TTN: variants seen among roughly 807,000 people sequenced by gnomAD.
TTN encodes titin.
A neutral mutation model predicts 3,223.0 loss-of-function variants in TTN; 1,525 were observed. That is an observed-to-expected ratio of 0.47 (90% confidence interval 0.45 to 0.49). The LOEUF is 0.49. Ranked by LOEUF, TTN falls within the 20% of genes least tolerant of loss-of-function variation. TTN has a pLI of 0.00. For synonymous variants in TTN, 14,094 were observed against 15,161.0 expected, an observed-to-expected ratio of 0.93 and a Z score of 5.17; for missense variants, 40,786 against 43,424.0, an observed-to-expected ratio of 0.94 and a Z score of 5.40.
Position 178,728,123 on chromosome 2 carries a change from G to A in TTN, c.19701C>T (p.Ile6567=). The change falls in exon 67 of 363, where the codon ATC becomes ATT. Residue 6567 remains isoleucine, a synonymous_variant. Transcript: ENST00000589042. ...AGAAATTCTAACCTTTCACAGTTAA[G>A]ATGCCACTGCATGCATCATCTCCTG... ...NVAGDDACSG[I]LTVKEPPSFL... The A allele has an allele frequency of 6.3e-7, 1 of 1,577,428 alleles. No individual in the cohort carries two copies. The highest frequency in any genetic ancestry group is 8.6e-7 in the Non-Finnish European group (1 of 1,162,200).
At position 178,650,744 on chromosome 2, in the gene TTN, C is replaced by T. The variant is rs750763722; in HGVS notation, c.39709+7G>A. Reference sequence around the variant, plus strand: ...GCAAGGTCATTAATCACCGGTCTCACGTGTACCTTCTGGGGGAGGAGACTC... The same window carrying T: ...GCAAGGTCATTAATCACCGGTCTCATGTGTACCTTCTGGGGGAGGAGACTC... On this transcript the variant is annotated splice_region_variant and intron_variant, in intron 209 of 362. Coordinates refer to ENST00000589042, the MANE Select transcript of TTN (RefSeq NM_001267550.2). 8.3e-5 allele frequency: 133 copies of T among 1,597,794 alleles called. No individual in the cohort carries two copies. The highest frequency in any genetic ancestry group is 1.1e-4 in the Non-Finnish European group (129 of 1,171,438).
intron 111 of TTN, among the ~76,000 whole-genome samples, chr2:178,699,573 G>C (rs867366922): frequency 7.0e-6 from 1 of 143,866 alleles, no homozygotes; most frequent in Non-Finnish European, 1.5e-5. Flanking sequence ...CACCGCGCCC[G>C]GCTAATTTTT....
At chr2:178,642,482 A>T (rs893046805) in intron 218 of TTN, among the ~76,000 whole-genome samples, 165 bp from the exon 219 acceptor site, 1 of 152,036 alleles carries the variant, frequency 6.6e-6, no homozygotes, top group African/African-American at 2.4e-5. Context: ...ATTTCAAGTT[A>T]TCTCCTCTGC....
chr2:178,772,988 G>T, intron 33 of TTN, 121 bp downstream of exon 33: 1 of 1,314,462 alleles, frequency 7.6e-7, no homozygotes, highest in Non-Finnish European at 1.1e-6. Context: ...ATTGGCTTTG[G>T]GAACAGCATA....
chr2:178,803,640 C>A (rs2094173402), intron 2 of TTN, among the ~76,000 whole-genome samples: 2 of 150,036 alleles, frequency 1.3e-5, no homozygotes, highest in African/African-American at 2.5e-5. Context: ...TATTATAAGC[C>A]ATAAAATTTT....
rs531590921 is a variant in TTN, at chr2:178,778,874, C to T, written c.4208G>A (p.Arg1403Lys). The change falls in exon 24 of 363, where the codon AGA becomes AAA. Residue 1403 changes from arginine (R) to lysine (K), a missense_variant and splice_region_variant. Arg to Lys is a conservative substitution (Grantham distance 26). Transcript: ENST00000589042. ...IPTLEPVSRI[R>K]SLSPRSVSRS... Reference sequence around the variant, plus strand: ...TAACCCAAATTATTACAAGTCTTACCTGATTCTGCTCACTGGCTCTAGTGT... The same window carrying T: ...TAACCCAAATTATTACAAGTCTTACTTGATTCTGCTCACTGGCTCTAGTGT... The T allele has an allele frequency of 1.2e-6, 2 of 1,613,690 alleles. No homozygotes were observed. Among genetic ancestry groups the T allele is most frequent in the Non-Finnish European group, 8.5e-7 (1 of 1,179,866 alleles).
chr2:178,773,994 C>T lies in TTN; in HGVS notation c.7174G>A (p.Gly2392Ser), dbSNP rs4894048. ...ESVEGVWMKDGQEVQPSDRVH... is the reference protein window; with the variant it reads ...ESVEGVWMKDSQEVQPSDRVH... The stretch of plus-strand genomic sequence containing the variant: ...CTGTCACTGGGCTGCACTTCTTGGC[C>T]GTCTTTCATCCAGACGCCTTCCACA... Residue 2392 changes from glycine (G) to serine (S), a missense_variant, in exon 31 of 363, where the codon GGC (glycine) becomes AGC (serine). Physicochemically the swap from Gly to Ser is moderately conservative, Grantham distance 56. Transcript: ENST00000589042. 65,417 of 1,613,948 alleles carry T rather than the reference C, an allele frequency of 0.041. 2,940 individuals carry two copies. Among genetic ancestry groups the T allele is most frequent in the Admixed American group, 0.17 (10,358 of 59,976 alleles).
chr2:178,562,691 G>C lies in TTN; in HGVS notation c.83441C>G (p.Ala27814Gly). 6.3e-7 allele frequency: 1 copy of C among 1,596,222 alleles called. No individual in the cohort carries two copies. The highest frequency in any genetic ancestry group is 8.5e-7 in the Non-Finnish European group (1 of 1,172,636). The change falls in exon 326 of 363, where the codon GCT (alanine) becomes GGT (glycine). Residue 27814 changes from alanine (A) to glycine (G), a missense_variant. By Grantham distance (60) the Ala-to-Gly change is moderately conservative. Transcript: ENST00000589042. ...EKRETTRKAYATITNNCTKTT... is the reference protein window; with the variant it reads ...EKRETTRKAYGTITNNCTKTT... Reference sequence around the variant, plus strand: ...TTTAGTGCAATTATTTGTAATGGTAGCATAGGCTTTTCTTGTAGTTTCTCG... The same window carrying C: ...TTTAGTGCAATTATTTGTAATGGTACCATAGGCTTTTCTTGTAGTTTCTCG...
Position 178,664,530 on chromosome 2 carries a change from C to T in TTN, c.36210G>A (p.Glu12070=). 6.2e-7 allele frequency: 1 copy of T among 1,611,540 alleles called. No individual in the cohort carries two copies. Among genetic ancestry groups the T allele is most frequent in the Non-Finnish European group, 8.5e-7 (1 of 1,179,206 alleles). The change falls in exon 168 of 363, where the codon GAG becomes GAA. Residue 12070 remains glutamate (E), a synonymous_variant. Transcript: ENST00000589042. ...KPEVLPDEVP[E]ALREVVPEKK... ...TTTCCGGGACAACTTCTCTGAGAGC[C>T]TCCGGCACTTTGAAGATATTAATAA...
intron 72 of TTN, 25 bp downstream of exon 72, chr2:178,724,235 A>T: frequency 1.3e-6 from 2 of 1,596,436 alleles, no homozygotes; most frequent in Non-Finnish European, 1.7e-6. Context: ...TGCATAAGCA[A>T]CCAGAAGAAA....
Position 178,577,218 on chromosome 2 carries a change from A to T in TTN, c.69117T>A (p.Asp23039Glu), listed in dbSNP as rs727503572. The change falls in exon 324 of 363, where the codon GAT becomes GAA. Residue 23039 changes from aspartate to glutamate, a missense_variant. By Grantham distance (45) the Asp-to-Glu change is conservative. Coordinates refer to ENST00000589042, the MANE Select transcript of TTN (RefSeq NM_001267550.2). Reference sequence around the variant, plus strand: ...CAACAGGACCTGGGGGACCAGGTACATCAAGGACTGTTACCTTCACATGTT... The same window carrying T: ...CAACAGGACCTGGGGGACCAGGTACTTCAAGGACTGTTACCTTCACATGTT... ...KVEHVKVTVL[D>E]VPGPPGPVEI... 3.7e-6 allele frequency: 6 copies of T among 1,613,000 alleles called. No individual in the cohort carries two copies. The highest frequency in any genetic ancestry group is 1.1e-5 in the South Asian group (1 of 91,050).
At chr2:178,693,507 C>G (rs2072966597) in intron 119 of TTN, 102 bp downstream of exon 119, 1 of 860,094 alleles carries the variant, frequency 1.2e-6, no homozygotes, top group Non-Finnish European at 1.7e-6. Flanking sequence ...GGTATGCACA[C>G]TGTGACTAAA....
Position 178,777,841 on chromosome 2 carries a change from T to A in TTN, c.4343A>T (p.Glu1448Val), listed in dbSNP as rs1218675157. The A allele has an allele frequency of 6.2e-7, 1 of 1,614,060 alleles. No homozygotes were observed. Among genetic ancestry groups the A allele is most frequent in the Admixed American group, 1.7e-5 (1 of 60,010 alleles). ...SPGRRLEETD[E>V]SQLERLYKPV... is the part of the protein sequence containing the mutation. ...TTTATATAGTCTCTCAAGTTGTGAC[T>A]CATCTGTCTCCTCCAGCCTACGTCC... Residue 1448 changes from glutamate (E) to valine (V), a missense_variant, in exon 25 of 363, where the codon GAG (glutamate) becomes GTG (valine). Transcript: ENST00000589042.
chr2:178,640,016 A>T lies in TTN; in HGVS notation c.40786+32T>A. The stretch of plus-strand genomic sequence containing the variant: ...TTATGTGTGTGAATACAGAAAGAAT[A>T]TGCTGTTGACATTGAGGATAAGCTT... On this transcript the variant is annotated intron_variant, in intron 222 of 362. Transcript: ENST00000589042. 4 of 1,607,850 alleles carry T rather than the reference A, an allele frequency of 2.5e-6. No individual in the cohort carries two copies. In the Middle Eastern group the frequency reaches 6.6e-4, roughly 266 times the overall value.
In TTN at chr2:178,635,398, T is replaced by A. The variant is rs115311125; in HGVS notation, c.41884+42A>T. ...TTGGTGTGTTATTTGGCTTTACACA[T>A]ACGCAAAACTTATAATTTGAATAAA... On this transcript the variant is annotated intron_variant, in intron 227 of 362. Coordinates refer to ENST00000589042, the MANE Select transcript of TTN (RefSeq NM_001267550.2). 3.4e-4 allele frequency: 548 copies of A among 1,604,292 alleles called. 1 individual carries two copies. The African/African-American group carries it at 6.6e-3, about 19-fold the overall frequency.
chr2:178,780,102 A>C lies in TTN; in HGVS notation c.3627T>G (p.Phe1209Leu). ...EPKVGETAPG[F>L]VYSEYEKEYE... ...ACTCTTTTTCATACTCAGAGTATAC[A>C]AATCCAGGTGCTGTTTCTCCAACTT... Residue 1209 changes from phenylalanine to leucine, a missense_variant, in exon 22 of 363, where the codon TTT (phenylalanine) becomes TTG (leucine). Phe to Leu is a conservative substitution (Grantham distance 22). Transcript: ENST00000589042. The C allele has an allele frequency of 6.2e-7, 1 of 1,613,864 alleles. No individual in the cohort carries two copies. The highest frequency in any genetic ancestry group is 8.5e-7 in the Non-Finnish European group (1 of 1,179,866).
Position 178,773,900 on chromosome 2 carries a change from C to G in TTN, c.7268G>C (p.Gly2423Ala). 6.2e-7 allele frequency: 1 copy of G among 1,614,078 alleles called. No homozygotes were observed. The highest frequency in any genetic ancestry group is 8.5e-7 in the Non-Finnish European group (1 of 1,179,968). ...LIEDMTKEDA[G>A]NYSFTIPALG... ...GGCTGGAATGGTGAAAGAGTAATTT[C>G]CAGCATCTTCCTTAGTCATGTCTTC... The change falls in exon 31 of 363, where the codon GGA (glycine) becomes GCA (alanine). Residue 2423 changes from glycine to alanine, a missense_variant. Transcript: ENST00000589042.
At chr2:178,701,255 A>C (rs1271344980) in intron 110 of TTN, 52 bp from the exon 111 acceptor site, 2 of 1,507,084 alleles carry the variant, frequency 1.3e-6, no homozygotes, top group Non-Finnish European at 1.8e-6. Flanking sequence ...TATTTTGCGT[A>C]AAATATAATG....
chr2:178,570,862 A>G lies in TTN; in HGVS notation c.75270T>C (p.Phe25090=). The G allele has an allele frequency of 1.2e-6, 2 of 1,613,506 alleles. No individual in the cohort carries two copies. The highest frequency in any genetic ancestry group is 1.7e-6 in the Non-Finnish European group (2 of 1,179,596). Residue 25090 remains phenylalanine, a synonymous_variant, in exon 326 of 363, where the codon TTT becomes TTC. Transcript: ENST00000589042. ...CTCCTGTGCTTTCTGAAGGCTCACT[A>G]AACACTCCTGCGGCATTTCGGGCTA... ...RVIARNAAGV[F]SEPSESTGAI... is the part of the protein sequence containing the mutation.
Sources: allele counts gnomAD v4.1 joint callset (sites outside exome capture counted in the v4.1 genomes callset), GRCh38; gene constraint gnomAD v4.1.1; transcripts MANE v1.5; gene names NCBI Gene and HGNC (gene_info 2026-07-23, HGNC 2026-07-21).